Variants in METTL24 observed in about 807,000 individuals in gnomAD.
METTL24 encodes methyltransferase like 24, also known as probable methyltransferase-like protein 24.
Under a neutral mutation model 32.7 loss-of-function variants are expected in METTL24, and 29 were observed. The observed-to-expected ratio is 0.89, with a 90% CI of 0.66 to 1.21. METTL24 has a LOEUF of 1.21. Ranked by LOEUF, METTL24 falls within the 50% of genes most tolerant of loss-of-function variation. The pLI, the probability that METTL24 is intolerant of heterozygous loss-of-function variation, is 0.00. For synonymous variants in METTL24, 163 were observed against 179.5 expected, an observed-to-expected ratio of 0.91 and a Z score of 0.73; for missense variants, 439 against 468.1, an observed-to-expected ratio of 0.94 and a Z score of 0.57.
chr6:110,353,547 CTTTTT>C (rs75803780), intron 1 of METTL24, among the ~76,000 whole-genome samples: 4 of 104,028 alleles, frequency 3.8e-5, no homozygotes, highest in Non-Finnish European at 8.3e-5. Context: ...GGAAACAGTT[CTTTTT>C]TTTTTTTTTT....
chr6:110,255,018 A>G (rs541381518), intron 4 of METTL24, among the ~76,000 whole-genome samples: 3 of 152,300 alleles, frequency 2.0e-5, no homozygotes, highest in East Asian at 3.9e-4. Context: ...ATCAGTTTCA[A>G]TTATCACTGT....
At chr6:110,298,734 T>C (rs1420972106) in intron 4 of METTL24, among the ~76,000 whole-genome samples, 188 bp downstream of exon 4, 1 of 152,206 alleles carries the variant, frequency 6.6e-6, no homozygotes, top group African/African-American at 2.4e-5. Context: ...CACATCAACT[T>C]AAATATCTCT....
Position 110,252,809 on chromosome 6 carries a change from C to G in METTL24, c.787-6549G>C, listed in dbSNP as rs1778306307. ...ATTTTCTGCATGTGGCCTTGACACC[C>G]CCACCACTGAGACATGGGATCAACC... On this transcript the variant is annotated intron_variant, in intron 4 of 4. Transcript: ENST00000338882. 2.6e-5 allele frequency among the ~76,000 whole-genome samples: 4 copies of G among 152,222 alleles called. No individual in the cohort carries two copies. The South Asian group carries it at 8.3e-4, about 32-fold the overall frequency.
At position 110,358,214 on chromosome 6, in the gene METTL24, C is replaced by A; in HGVS notation, c.59G>T (p.Gly20Val). Residue 20 changes from glycine to valine, a missense_variant, in exon 1 of 5, where the codon GGG becomes GTG. Physicochemically the swap from Gly to Val is moderately radical, Grantham distance 109. Transcript: ENST00000338882. The stretch of plus-strand genomic sequence containing the variant: ...CCGCAGGCCGAACAACAGCACAGCC[C>A]CGAGTAGACACCGGCGCAGGACGCC... ...GCGVLRRCLL[G>V]AVLLFGLRLC... 1 of 1,483,342 alleles carries A rather than the reference C, an allele frequency of 6.7e-7. No homozygotes were observed. Among genetic ancestry groups the A allele is most frequent in the Non-Finnish European group, 8.9e-7 (1 of 1,123,608 alleles). The allele number at this position is 1,483,342 out of a possible 1,614,324, so 91.9% of individuals were successfully genotyped here. A position where few individuals can be genotyped will look rare whatever the true frequency, so the allele number is the denominator to read the frequency against.
chr6:110,288,300 T>A (rs1298582364), intron 4 of METTL24, among the ~76,000 whole-genome samples: 2 of 152,136 alleles, frequency 1.3e-5, no homozygotes, highest in Non-Finnish European at 2.9e-5. Context: ...ATCTTGGAGC[T>A]TACTAGAAAT....
rs1778149672 is a variant in METTL24, at chr6:110,245,977, G to A, written c.1070C>T (p.Thr357Ile). 1.9e-6 allele frequency: 3 copies of A among 1,613,954 alleles called. No individual in the cohort carries two copies. Among genetic ancestry groups the A allele is most frequent in the Non-Finnish European group, 2.5e-6 (3 of 1,179,948 alleles). ...CCATCTTGTATTCACCCAACTCAGAGTATAACAGCTACTTGCATTGAAAAT... is the reference window on the plus strand; with the variant it reads ...CCATCTTGTATTCACCCAACTCAGAATATAACAGCTACTTGCATTGAAAAT... ...KDIFNASSCY[T>I]LSWVNTRWK is the part of the protein sequence containing the mutation. Residue 357 changes from threonine (T) to isoleucine (I), a missense_variant, in exon 5 of 5, where the codon ACT (threonine) becomes ATT (isoleucine). Transcript: ENST00000338882.
At chr6:110,249,647 GA>G (rs1378223959) in intron 4 of METTL24, among the ~76,000 whole-genome samples, 2 of 151,992 alleles carry the variant, frequency 1.3e-5, no homozygotes, top group African/African-American at 4.8e-5. Context: ...AAACATTGCT[GA>G]ATAGGATATG....
chr6:110,287,105 T>C (rs1395909235), intron 4 of METTL24, among the ~76,000 whole-genome samples: 2 of 152,248 alleles, frequency 1.3e-5, no homozygotes, highest in Admixed American at 6.5e-5. Flanking sequence ...ATGGGCTTTC[T>C]ACTCTATTGC....
intron 4 of METTL24, among the ~76,000 whole-genome samples, chr6:110,294,303 G>A (rs1771372592): frequency 6.6e-6 from 1 of 151,978 alleles, no homozygotes; most frequent in Non-Finnish European, 1.5e-5. Flanking sequence ...TAAAACTCCA[G>A]ATAATAATAA....
intron 4 of METTL24, chr6:110,254,114 G>T (rs908380076): frequency 1.2e-5 from 6 of 502,742 alleles, no homozygotes; most frequent in Non-Finnish European, 1.9e-5. Context: ...CTTTTGTAAT[G>T]ATTTAATTTA....
rs369675577 is a variant in METTL24, at chr6:110,357,942, C to T, written c.318+13G>A. The T allele has an allele frequency of 3.1e-3, 3,761 of 1,210,526 alleles. 16 individuals are homozygous for T. The highest frequency in any genetic ancestry group is 3.5e-3 in the Non-Finnish European group (3,370 of 971,074). 75.0% of individuals were successfully genotyped at this position (1,210,526 alleles called of 1,614,324 possible). A position where few individuals can be genotyped will look rare whatever the true frequency, so the allele number is the denominator to read the frequency against. On this transcript the variant is annotated intron_variant, in intron 1 of 4. Transcript: ENST00000338882. Reference sequence around the variant, plus strand: ...CTGGTCCCAGGCCCAAGACCGACCGCTTTGCAACTGACCTTCCGGCGGGGG... The same window carrying T: ...CTGGTCCCAGGCCCAAGACCGACCGTTTTGCAACTGACCTTCCGGCGGGGG...
chr6:110,337,164 T>C (rs1271469126), intron 1 of METTL24, among the ~76,000 whole-genome samples: 2 of 152,156 alleles, frequency 1.3e-5, no homozygotes, highest in African/African-American at 2.4e-5. Flanking sequence ...ATCAAACTAA[T>C]GCAGGAATAG....
At chr6:110,258,820 AC>A (rs1214563233) in intron 4 of METTL24, among the ~76,000 whole-genome samples, 7 of 149,986 alleles carry the variant, frequency 4.7e-5, no homozygotes, top group African/African-American at 1.7e-4. Context: ...ACACACACAC[AC>A]AACAAAACAA....
intron 4 of METTL24, among the ~76,000 whole-genome samples, chr6:110,267,615 ATAATGACACAACTAATAGC>A (rs141596166): frequency 0.036 from 5,546 of 152,264 alleles, 369 homozygotes; most frequent in African/African-American, 0.13. Flanking sequence ...GTATCTACTG[ATAATGACACAACTAATAGC>A]TAACTTTAAG....
At chr6:110,346,706 T>C (rs1772483650) in intron 1 of METTL24, among the ~76,000 whole-genome samples, 1 of 152,218 alleles carries the variant, frequency 6.6e-6, no homozygotes, top group Non-Finnish European at 1.5e-5. Flanking sequence ...AGTTTCACTA[T>C]GTTGGTCAGG....
chr6:110,290,020 A>G (rs949032291), intron 4 of METTL24, among the ~76,000 whole-genome samples: 17 of 152,032 alleles, frequency 1.1e-4, no homozygotes, highest in Non-Finnish European at 2.2e-4. Flanking sequence ...GGCTCAATTG[A>G]TCCTCCTGCC....
At chr6:110,252,662 T>C (rs1778303097) in intron 4 of METTL24, among the ~76,000 whole-genome samples, 1 of 152,260 alleles carries the variant, frequency 6.6e-6, no homozygotes, top group Non-Finnish European at 1.5e-5. Flanking sequence ...CTATAGTTAA[T>C]GGCTAACTCT....
intron 1 of METTL24, among the ~76,000 whole-genome samples, chr6:110,335,744 A>T (rs955454055): frequency 6.6e-6 from 1 of 152,106 alleles, no homozygotes; most frequent in African/African-American, 2.4e-5. Flanking sequence ...GCATTAAAAG[A>T]GACCTTAATA....
At chr6:110,280,242 C>T (rs1005060384) in intron 4 of METTL24, among the ~76,000 whole-genome samples, 2 of 152,158 alleles carry the variant, frequency 1.3e-5, no homozygotes, top group Non-Finnish European at 2.9e-5. Context: ...AAAACCATTT[C>T]TCAAAGACCT....
Sources: allele counts gnomAD v4.1 joint callset (sites outside exome capture counted in the v4.1 genomes callset), GRCh38; gene constraint gnomAD v4.1.1; transcripts MANE v1.5; gene names NCBI Gene and HGNC (gene_info 2026-07-23, HGNC 2026-07-21).